Variants in LAIR1 observed in about 807,000 individuals in gnomAD.
LAIR1 encodes the protein leukocyte-associated immunoglobulin-like receptor 1.
In LAIR1, 24 loss-of-function variants were observed where a neutral mutation model predicts 32.8. That is an observed-to-expected ratio of 0.73 (90% confidence interval 0.53 to 1.03). The LOEUF is 1.03. Among genes scored for constraint, LAIR1 ranks in the 50% least tolerant of loss-of-function variants. The pLI, the probability that LAIR1 is intolerant of heterozygous loss-of-function variation, is 0.00. For synonymous variants in LAIR1, 150 were observed against 140.5 expected, an observed-to-expected ratio of 1.07 and a Z score of -0.48; for missense variants, 355 against 347.5, an observed-to-expected ratio of 1.02 and a Z score of -0.17.
chr19:54,374,828 T>C (rs368112755), upstream of LAIR1, among the ~76,000 whole-genome samples: 20 of 151,926 alleles, frequency 1.3e-4, no homozygotes, highest in East Asian at 3.9e-4. Flanking sequence ...CTTAGAAATT[T>C]AGACTCCAGA....
At chr19:54,366,993 C>CTGCT (rs535896134), upstream of LAIR1, among the ~76,000 whole-genome samples, 1 of 152,190 alleles carries the variant, frequency 6.6e-6, no homozygotes, top group Non-Finnish European at 1.5e-5. Flanking sequence ...TTCAAGTAGG[C>CTGCT]TGCTGGGCAA....
chr19:54,371,698 T>C (rs539183107), upstream of LAIR1, among the ~76,000 whole-genome samples: 1 of 151,770 alleles, frequency 6.6e-6, no homozygotes, highest in East Asian at 1.9e-4. Flanking sequence ...AATTCATTAA[T>C]GATGAAATCA....
chr19:54,355,972 G>C lies in LAIR1; in HGVS notation c.699C>G (p.Asp233Glu), dbSNP rs766613295. Residue 233 changes from aspartate to glutamate, a missense_variant, in exon 9 of 10, where the codon GAC (aspartate) becomes GAG (glutamate). Transcript: ENST00000391742. The surrounding 1 kb of genome is among the most constrained non-coding windows in gnomAD (Gnocchi z 4.7). ...GGCTCACCGAGGTGTCCGTCTCTCT[G>C]TCCTTCTCAGGAAGTCCATTGACTG... Reference protein sequence around the residue: ...KATVNGLPEKDRETDTSALAA... With the variant: ...KATVNGLPEKERETDTSALAA... 4 of 1,607,572 alleles carry C rather than the reference G, an allele frequency of 2.5e-6. No individual in the cohort carries two copies. The highest frequency in any genetic ancestry group is 1.3e-5 in the African/African-American group (1 of 74,942).
At chr19:54,359,227 A>G (rs2081887117) in intron 4 of LAIR1, among the ~76,000 whole-genome samples, 1 of 151,586 alleles carries the variant, frequency 6.6e-6, no homozygotes, top group African/African-American at 2.4e-5. Context: ...CTGGGGATAG[A>G]AACCCAGGTG....
intron 8 of LAIR1, 34 bp from the exon 9 acceptor site, chr19:54,356,040 G>T: frequency 6.4e-7 from 1 of 1,563,428 alleles, no homozygotes; most frequent in Non-Finnish European, 8.8e-7. Context: ...GTTTTCTGGG[G>T]AGGATGTCGC....
chr19:54,371,030 A>G (rs930605996), upstream of LAIR1, among the ~76,000 whole-genome samples: 92 of 150,446 alleles, frequency 6.1e-4, 4 homozygotes, highest in African/African-American at 2.2e-3. Flanking sequence ...GTAAATTTCC[A>G]AAGGCCAATT....
Position 54,356,568 on chromosome 19 carries a change from C to T in LAIR1, c.506G>A (p.Gly169Glu), listed in dbSNP as rs1262775539. The T allele has an allele frequency of 6.2e-7, 1 of 1,613,878 alleles. No individual in the cohort carries two copies. The highest frequency in any genetic ancestry group is 8.5e-7 in the Non-Finnish European group (1 of 1,179,986). ...LKAEHLYILI[G>E]VSVVFLFCLL... The stretch of plus-strand genomic sequence containing the variant: ...ACAGAAGAGGAAGACCACTGAGACC[C>T]CGATGAGAATATACAGATGCTCAGC... The change falls in exon 6 of 10, where the codon GGG becomes GAG. Residue 169 changes from glycine to glutamate, a missense_variant. Transcript: ENST00000391742.
At chr19:54,360,815 G>A (rs1475432198) in intron 3 of LAIR1, 101 bp downstream of exon 3, 1 of 1,168,176 alleles carries the variant, frequency 8.6e-7, no homozygotes, top group Non-Finnish European at 1.2e-6. Flanking sequence ...AGGAGGACAA[G>A]GTTGGCCACA....
chr19:54,374,297 T>G (rs1321423034), upstream of LAIR1, among the ~76,000 whole-genome samples: 2 of 152,184 alleles, frequency 1.3e-5, no homozygotes. Context: ...CATTGTCATA[T>G]TCCCTCTGGA....
chr19:54,357,280 G>T, intron 4 of LAIR1: 1 of 399,656 alleles, frequency 2.5e-6, no homozygotes, highest in Non-Finnish European at 4.6e-6. Context: ...CCTACTGGAC[G>T]GTGCAGATAC....
At chr19:54,372,532 C>T (rs1338568811), upstream of LAIR1, among the ~76,000 whole-genome samples, 1 of 149,068 alleles carries the variant, frequency 6.7e-6, no homozygotes, top group Non-Finnish European at 1.5e-5. Flanking sequence ...ACTCTGTCAC[C>T]CAGGCTGGAG....
chr19:54,365,673 T>G (rs934419881), upstream of LAIR1, among the ~76,000 whole-genome samples: 1 of 151,922 alleles, frequency 6.6e-6, no homozygotes, highest in African/African-American at 2.4e-5. Context: ...GCACAGCTAC[T>G]TGGAAGGTTG....
the LAIR1 span, among the ~76,000 whole-genome samples, chr19:54,375,622 C>T: frequency 3.3e-5 from 5 of 152,180 alleles, no homozygotes; most frequent in Admixed American, 2.6e-4. Context: ...GGAGGTCAGA[C>T]TTGAAGGAGA....
chr19:54,368,907 G>C (rs560042339), upstream of LAIR1, among the ~76,000 whole-genome samples: 1 of 151,010 alleles, frequency 6.6e-6, no homozygotes, highest in South Asian at 2.1e-4. Context: ...AGCTGGTCTC[G>C]AACTCCCGAC....
upstream of LAIR1, among the ~76,000 whole-genome samples, chr19:54,367,865 C>T (rs1182175271): frequency 2.0e-5 from 3 of 148,190 alleles, no homozygotes; most frequent in Non-Finnish European, 3.0e-5. Flanking sequence ...CTCCGCTTCC[C>T]GGGTTCACGC....
upstream of LAIR1, among the ~76,000 whole-genome samples, chr19:54,371,156 G>T (rs530433595): frequency 1.3e-5 from 2 of 151,130 alleles, no homozygotes; most frequent in Non-Finnish European, 2.9e-5. Flanking sequence ...ACTCCAGCCT[G>T]TTTCCCCCTC....
rs1012847186 is a variant in LAIR1 at position 54,354,633 on chromosome 19, C to T, written c.*635G>A. 2.0e-5 allele frequency: 3 copies of T among 152,168 alleles called. No individual in the cohort carries two copies. The highest frequency in any genetic ancestry group is 4.8e-5 in the African/African-American group (2 of 41,426). The allele number at this position is 152,168 out of a possible 1,614,324, so 9.4% of individuals were successfully genotyped here. A position where few individuals can be genotyped will look rare whatever the true frequency, so the allele number is the denominator to read the frequency against. The stretch of plus-strand genomic sequence containing the variant: ...CAACTGTGAAGGCAGAGAGTGGGTC[C>T]GAGAGACCTATGCACCCAGGACCAG... On this transcript the variant is annotated 3_prime_UTR_variant, in exon 10 of 10. Coordinates refer to ENST00000391742, the MANE Select transcript of LAIR1 (RefSeq NM_002287.6).
At chr19:54,368,520 C>A (rs2082323059), upstream of LAIR1, 1 of 152,086 alleles carries the variant, frequency 6.6e-6, no homozygotes, top group Non-Finnish European at 1.5e-5. Flanking sequence ...ATCAAAGGAT[C>A]CTTTGCACAC....
intron 2 of LAIR1, among the ~76,000 whole-genome samples, chr19:54,362,549 A>G (rs1189850441): frequency 6.6e-6 from 1 of 152,166 alleles, no homozygotes; most frequent in African/African-American, 2.4e-5. Context: ...CAGTGGCGCG[A>G]TCTCAGCTCA....
Sources: allele counts gnomAD v4.1 joint callset (sites outside exome capture counted in the v4.1 genomes callset), GRCh38; gene constraint gnomAD v4.1.1; non-coding constraint Gnocchi (gnomAD v3.1); transcripts MANE v1.5; gene names NCBI Gene and HGNC (gene_info 2026-07-23, HGNC 2026-07-21).